IRAG1: variants seen among roughly 807,000 people sequenced by gnomAD.
IRAG1 encodes IP3R-associated cGMP kinase substrate.
IRAG1 carries 62 observed loss-of-function variants against 106.2 expected under a neutral mutation model. The ratio of observed to expected loss-of-function variants is 0.58; its 90% CI spans 0.48 to 0.72. IRAG1 has a LOEUF of 0.72. Ranked by LOEUF, IRAG1 falls within the 30% of genes least tolerant of loss-of-function variation. The pLI is 0.00. For missense variants in IRAG1, 1,064 were observed against 1,140.7 expected, an observed-to-expected ratio of 0.93 and a Z score of 0.97; for synonymous variants, 462 against 443.9, an observed-to-expected ratio of 1.04 and a Z score of -0.51.
chr11:10,638,522 G>A (rs1029197013), intron 2 of IRAG1, among the ~76,000 whole-genome samples: 1 of 152,170 alleles, frequency 6.6e-6, no homozygotes, highest in Non-Finnish European at 1.5e-5. Flanking sequence ...TGTGCTTATA[G>A]CATGCGCGGG....
Position 10,652,160 on chromosome 11 carries a change from C to G in IRAG1, c.90G>C (p.Trp30Cys). The change falls in exon 2 of 21, where the codon TGG becomes TGC. Residue 30 changes from tryptophan to cysteine, a missense_variant. Coordinates refer to ENST00000423302, the MANE Select transcript of IRAG1 (RefSeq NM_130385.4). The stretch of plus-strand genomic sequence containing the variant: ...CCGCTGCGTCAGCCCCAAAGATGCT[C>G]CAAGAGGCCTGGGCTCCACAGGCTG... Reference protein sequence around the residue: ...SVLACGAQASWSIFGADAAEV... With the variant: ...SVLACGAQASCSIFGADAAEV... The G allele has an allele frequency of 1.2e-6, 2 of 1,613,762 alleles. No homozygotes were observed. Among genetic ancestry groups the G allele is most frequent in the South Asian group, 2.2e-5 (2 of 90,978 alleles).
At chr11:10,680,546 G>GAAGGAAGGAAGGAAGGAA (rs143705702) in intron 1 of IRAG1, among the ~76,000 whole-genome samples, 1 of 140,254 alleles carries the variant, frequency 7.1e-6, no homozygotes, top group African/African-American at 2.8e-5. Flanking sequence ...GAAGGGGAAG[G>GAAGGAAGGAAGGAAGGAA]GGAAGGGGAA....
chr11:10,675,903 G>A (rs1047519942), intron 1 of IRAG1, among the ~76,000 whole-genome samples: 2 of 152,096 alleles, frequency 1.3e-5, no homozygotes, highest in African/African-American at 2.4e-5. Context: ...CCCACTGATC[G>A]ACCACGACTC....
At position 10,574,734 on chromosome 11, in the gene IRAG1, A is replaced by G. The variant is rs1463234053; in HGVS notation, c.*1598T>C. The G allele has an allele frequency of 3.9e-5, 6 of 152,378 alleles. No homozygotes were observed. The highest frequency in any genetic ancestry group is 1.3e-4 in the Admixed American group (2 of 15,300). 9.4% of individuals were successfully genotyped at this position (152,378 alleles called of 1,614,324 possible). A position where few individuals can be genotyped will look rare whatever the true frequency, so the allele number is the denominator to read the frequency against. ...TGGGGAGCCAGAGATGGAGTAGCTG[A>G]TGGGCCACTTGGGGGAATGAGACTG... On this transcript the variant is annotated 3_prime_UTR_variant, in exon 21 of 21. Transcript: ENST00000423302.
chr11:10,623,533 C>T (rs1412438406), intron 10 of IRAG1, among the ~76,000 whole-genome samples: 4 of 152,158 alleles, frequency 2.6e-5, no homozygotes, highest in African/African-American at 9.7e-5. Context: ...CCTGAGGCAC[C>T]CTTCCAGGCC....
At chr11:10,602,589 C>T (rs1327589569) in intron 14 of IRAG1, among the ~76,000 whole-genome samples, 2 of 152,188 alleles carry the variant, frequency 1.3e-5, no homozygotes. Context: ...CCGCCACTAA[C>T]GCTTTTACTT....
Position 10,628,882 on chromosome 11 carries a change from CT to C in IRAG1, c.575-55del. 8.0e-6 allele frequency: 12 copies of C among 1,491,758 alleles called. No individual in the cohort carries two copies. Among genetic ancestry groups the C allele is most frequent in the Non-Finnish European group, 1.1e-5 (12 of 1,099,796 alleles). The allele number at this position is 1,491,758 out of a possible 1,614,324, so 92.4% of individuals were successfully genotyped here. ...ATTCATGAAGGTTTAGGACTTCAAC[CT>C]GGCAAAGGCATCCTTTTAGGTATTC... On this transcript the variant is annotated intron_variant, in intron 5 of 20. Coordinates refer to ENST00000423302, the MANE Select transcript of IRAG1 (RefSeq NM_130385.4). This position sits in a 1 kb window ranked among gnomAD's most constrained non-coding sequence, Gnocchi z 4.1.
At chr11:10,680,368 A>G (rs12785648) in intron 1 of IRAG1, among the ~76,000 whole-genome samples, 1,528 of 80,686 alleles carry the variant, frequency 0.019, 46 homozygotes, top group African/African-American at 0.039. Flanking sequence ...AAAGAAAGAA[A>G]GAAGGAAGGA....
At chr11:10,601,601 A>G (rs193034546) in intron 14 of IRAG1, among the ~76,000 whole-genome samples, 1 of 152,324 alleles carries the variant, frequency 6.6e-6, no homozygotes, top group Admixed American at 6.5e-5. Context: ...CCTCCTACCT[A>G]TGTAGGGATC....
At chr11:10,623,896 A>C (rs775718552) in intron 9 of IRAG1, 40 bp from the exon 10 acceptor site, 9 of 1,570,826 alleles carry the variant, frequency 5.7e-6, no homozygotes, top group South Asian at 5.5e-5. Flanking sequence ...TCAGATGATG[A>C]CACTGGGCTG....
At chr11:10,591,842 C>T (rs375635313) in intron 17 of IRAG1, among the ~76,000 whole-genome samples, 1 of 152,292 alleles carries the variant, frequency 6.6e-6, no homozygotes, top group East Asian at 1.9e-4. Flanking sequence ...TTCACCTCTG[C>T]TAAGTTTCCT....
chr11:10,629,314 C>T (rs1044714491), intron 5 of IRAG1, among the ~76,000 whole-genome samples: 1 of 152,182 alleles, frequency 6.6e-6, no homozygotes, highest in Non-Finnish European at 1.5e-5. Flanking sequence ...CAGAAATTCC[C>T]CAAAGACCAT....
chr11:10,644,433 G>A (rs1041383065), intron 2 of IRAG1, among the ~76,000 whole-genome samples: 3 of 152,148 alleles, frequency 2.0e-5, no homozygotes, highest in Non-Finnish European at 4.4e-5. Flanking sequence ...TCTTGCAAAG[G>A]ATGTGATGAG....
chr11:10,687,065 C>A (rs1861710552), intron 1 of IRAG1, among the ~76,000 whole-genome samples: 1 of 152,228 alleles, frequency 6.6e-6, no homozygotes, highest in Admixed American at 6.5e-5. Context: ...TAAACAAGTT[C>A]CCCACCAGGC....
In IRAG1 at chr11:10,647,204, G is replaced by A. The variant is rs755185984; in HGVS notation, c.225+4821C>T. On this transcript the variant is annotated intron_variant, in intron 2 of 20. Transcript: ENST00000423302. The surrounding 1 kb of genome is among the most constrained non-coding windows in gnomAD (Gnocchi z 4.3). Reference sequence around the variant, plus strand: ...CAGGGGCAGTAACAGTGCTCAGTGCGGGTATGGACTAAGCATGGGCTTTGG... The same window carrying A: ...CAGGGGCAGTAACAGTGCTCAGTGCAGGTATGGACTAAGCATGGGCTTTGG... Among the ~76,000 whole-genome samples, 6 of 152,310 alleles carry A rather than the reference G, an allele frequency of 3.9e-5. No homozygotes were observed. The South Asian group carries it at 6.2e-4, about 16-fold the overall frequency.
In IRAG1 at chr11:10,665,853, G is replaced by A. The variant is rs1390739536; in HGVS notation, c.68-13671C>T. 6.6e-6 allele frequency among the ~76,000 whole-genome samples: 1 copy of A among 152,226 alleles called. No individual in the cohort carries two copies. The highest frequency in any genetic ancestry group is 1.5e-5 in the Non-Finnish European group (1 of 68,044). On this transcript the variant is annotated intron_variant, in intron 1 of 20. Coordinates refer to ENST00000423302, the MANE Select transcript of IRAG1 (RefSeq NM_130385.4). The surrounding 1 kb of genome is among the most constrained non-coding windows in gnomAD (Gnocchi z 4.2). ...CAAGAAGACACGTGATAAAGTAAAAGTGAGCAGTCCCTTGGTTATCCAGAT... is the reference window on the plus strand; with the variant it reads ...CAAGAAGACACGTGATAAAGTAAAAATGAGCAGTCCCTTGGTTATCCAGAT...
chr11:10,674,338 T>G (rs1860479791), intron 1 of IRAG1, among the ~76,000 whole-genome samples: 1 of 152,182 alleles, frequency 6.6e-6, no homozygotes, highest in Non-Finnish European at 1.5e-5. Context: ...ATCTGAGGCA[T>G]TTAGAGTTCT....
At chr11:10,623,962 C>T (rs574951704) in intron 9 of IRAG1, 106 bp from the exon 10 acceptor site, 29 of 1,046,652 alleles carry the variant, frequency 2.8e-5, no homozygotes, top group East Asian at 2.5e-4. Flanking sequence ...GGTGGGAAAG[C>T]GGGGCAGCCT....
At chr11:10,606,951 C>G (rs546659082) in intron 11 of IRAG1, among the ~76,000 whole-genome samples, 179 bp from the exon 12 acceptor site, 1 of 152,176 alleles carries the variant, frequency 6.6e-6, no homozygotes, top group Non-Finnish European at 1.5e-5. Context: ...CTGACTCTTA[C>G]GGCACCATGA....
Sources: allele counts gnomAD v4.1 joint callset (sites outside exome capture counted in the v4.1 genomes callset), GRCh38; gene constraint gnomAD v4.1.1; non-coding constraint Gnocchi (gnomAD v3.1); transcripts MANE v1.5; gene names NCBI Gene and HGNC (gene_info 2026-07-23, HGNC 2026-07-21).